MIR2052HG: variants seen among roughly 807,000 people sequenced by gnomAD.
MIR2052HG encodes MIR2052 host gene.
chr8:74,752,539 T>C (rs1300169274), intron 5 of MIR2052HG: 1 of 454,928 alleles, frequency 2.2e-6, no homozygotes, highest in Non-Finnish European at 4.4e-6. Flanking sequence ...TGAAAGTAAG[T>C]AGGAAAGATA....
At chr8:74,630,464 C>A (rs905785964) in intron 2 of MIR2052HG, among the ~76,000 whole-genome samples, 2 of 147,444 alleles carry the variant, frequency 1.4e-5, no homozygotes, top group Admixed American at 1.4e-4. Flanking sequence ...TCTTGGCAAG[C>A]CTTTTACTCC....
At chr8:74,647,438 G>A (rs1808700882) in intron 2 of MIR2052HG, among the ~76,000 whole-genome samples, 1 of 152,280 alleles carries the variant, frequency 6.6e-6, no homozygotes, top group Admixed American at 6.5e-5. Context: ...GCAAAGCATT[G>A]CAATTAGCTC....
At chr8:74,678,774 TAAA>T (rs1001012184) in intron 2 of MIR2052HG, among the ~76,000 whole-genome samples, 2 of 151,702 alleles carry the variant, frequency 1.3e-5, no homozygotes, top group African/African-American at 4.8e-5. Context: ...AGTAATATAA[TAAA>T]AAAGAACTGT....
intron 2 of MIR2052HG, among the ~76,000 whole-genome samples, chr8:74,622,225 T>C (rs1483937642): frequency 6.6e-6 from 1 of 152,158 alleles, no homozygotes. Flanking sequence ...AAATAATCCA[T>C]TTAAAGAATG....
intron 1 of MIR2052HG, among the ~76,000 whole-genome samples, chr8:74,600,888 T>C (rs935407880): frequency 6.6e-6 from 1 of 152,170 alleles, no homozygotes; most frequent in African/African-American, 2.4e-5. Context: ...TAATTCTTAA[T>C]AATGCTGTGA....
intron 4 of MIR2052HG, among the ~76,000 whole-genome samples, chr8:74,712,047 A>G (rs1051299550): frequency 2.0e-5 from 3 of 152,020 alleles, no homozygotes; most frequent in Non-Finnish European, 4.4e-5. Flanking sequence ...TTAAGGTTAT[A>G]CTCTGCAACC....
At chr8:74,634,908 T>C (rs574263282) in intron 2 of MIR2052HG, among the ~76,000 whole-genome samples, 3 of 152,216 alleles carry the variant, frequency 2.0e-5, no homozygotes, top group Non-Finnish European at 4.4e-5. Flanking sequence ...CAATTATTTA[T>C]TGAATGTCAG....
intron 2 of MIR2052HG, among the ~76,000 whole-genome samples, chr8:74,615,426 C>A (rs542104158): frequency 6.6e-5 from 10 of 152,284 alleles, no homozygotes; most frequent in African/African-American, 2.4e-4. Flanking sequence ...AAACAGAGGA[C>A]TGGCAGAAGG....
chr8:74,608,921 A>G (rs1188943277), intron 1 of MIR2052HG, among the ~76,000 whole-genome samples: 1 of 152,046 alleles, frequency 6.6e-6, no homozygotes, highest in Non-Finnish European at 1.5e-5. Flanking sequence ...CAAAGTAAAT[A>G]CTTTTTAATG....
At chr8:74,657,084 G>T (rs1463068537) in intron 2 of MIR2052HG, among the ~76,000 whole-genome samples, 1 of 152,206 alleles carries the variant, frequency 6.6e-6, no homozygotes, top group Non-Finnish European at 1.5e-5. Context: ...AAACACTGCA[G>T]CATACAGGGA....
At chr8:74,725,909 C>A (rs1280668924) in intron 4 of MIR2052HG, among the ~76,000 whole-genome samples, 1 of 152,008 alleles carries the variant, frequency 6.6e-6, no homozygotes, top group East Asian at 1.9e-4. Context: ...AAAAAACAGT[C>A]AGCTACTGTC....
At chr8:74,634,850 A>G (rs894263451) in intron 2 of MIR2052HG, among the ~76,000 whole-genome samples, 4 of 152,128 alleles carry the variant, frequency 2.6e-5, no homozygotes, top group African/African-American at 9.7e-5. Context: ...ATTCACTGAG[A>G]TTTTGGCAGG....
intron 2 of MIR2052HG, among the ~76,000 whole-genome samples, chr8:74,686,000 T>A (rs1343338848): frequency 6.6e-6 from 1 of 152,006 alleles, no homozygotes; most frequent in African/African-American, 2.4e-5. Flanking sequence ...CCTTGCTCTC[T>A]CAGTTCTTTA....
At chr8:74,717,663 T>TA (rs1423497644) in intron 4 of MIR2052HG, among the ~76,000 whole-genome samples, 1 of 151,546 alleles carries the variant, frequency 6.6e-6, no homozygotes, top group African/African-American at 2.4e-5. Context: ...ACAAAAAAAT[T>TA]AAAAAAATAT....
intron 2 of MIR2052HG, among the ~76,000 whole-genome samples, chr8:74,630,135 T>G (rs1471339523): frequency 6.6e-6 from 1 of 152,236 alleles, no homozygotes; most frequent in Non-Finnish European, 1.5e-5. Flanking sequence ...GAAAATGTGC[T>G]GGTTGTATCT....
At chr8:74,751,215 A>G (rs1277728498) in intron 4 of MIR2052HG, among the ~76,000 whole-genome samples, 1 of 152,226 alleles carries the variant, frequency 6.6e-6, no homozygotes, top group African/African-American at 2.4e-5. Context: ...CTTTCAGCTC[A>G]TACTATAAAC....
chr8:74,643,412 G>C (rs1808660444), intron 2 of MIR2052HG, among the ~76,000 whole-genome samples: 1 of 152,154 alleles, frequency 6.6e-6, no homozygotes, highest in Admixed American at 6.5e-5. Context: ...AGGAGGCAGA[G>C]TAAAAAAAGG....
intron 2 of MIR2052HG, among the ~76,000 whole-genome samples, chr8:74,620,878 A>G (rs185434911): frequency 6.8e-4 from 103 of 152,170 alleles, no homozygotes; most frequent in African/African-American, 2.3e-3. Context: ...ATGAGTTTTT[A>G]TTTTCTATTG....
At chr8:74,669,350 C>T (rs1586908910) in intron 2 of MIR2052HG, among the ~76,000 whole-genome samples, 1 of 152,138 alleles carries the variant, frequency 6.6e-6, no homozygotes, top group East Asian at 1.9e-4. Flanking sequence ...TTGCCTCTCA[C>T]CATTTCTACT....
Sources: allele counts gnomAD v4.1 joint callset (sites outside exome capture counted in the v4.1 genomes callset), GRCh38; gene constraint gnomAD v4.1.1; transcripts MANE v1.5; gene names NCBI Gene and HGNC (gene_info 2026-07-23, HGNC 2026-07-21).